DNAH9: variants seen among roughly 807,000 people sequenced by gnomAD.
DNAH9 encodes the protein DNAH9 variant protein.
A neutral mutation model predicts 471.6 loss-of-function variants in DNAH9; 345 were observed. That is an observed-to-expected ratio of 0.73 (90% confidence interval 0.67 to 0.80). The LOEUF (loss-of-function observed/expected upper bound fraction) is 0.80. Among genes scored for constraint, DNAH9 ranks in the 30% least tolerant of loss-of-function variants. The pLI, the probability that DNAH9 is intolerant of heterozygous loss-of-function variation, is 0.00. For synonymous variants in DNAH9, 2,093 were observed against 2,123.6 expected (o/e 0.99, Z 0.40); for missense variants, 5,407 against 5,609.2 (o/e 0.96, Z 1.15).
At chr17:11,779,596 G>A (rs146978728) in intron 38 of DNAH9, among the ~76,000 whole-genome samples, 17 of 152,266 alleles carry the variant, frequency 1.1e-4, no homozygotes, top group Non-Finnish European at 2.2e-4. Context: ...AAATTACAGG[G>A]TCTGCTTAAT....
At chr17:11,688,707 T>C (rs2074282071) in intron 19 of DNAH9, among the ~76,000 whole-genome samples, 1 of 152,116 alleles carries the variant, frequency 6.6e-6, no homozygotes. Context: ...TTTCAGAAGA[T>C]CATGACATGC....
intron 22 of DNAH9, among the ~76,000 whole-genome samples, chr17:11,698,227 A>AATTATATTAAT (rs1463506278): frequency 1.9e-5 from 2 of 106,934 alleles, no homozygotes; most frequent in African/African-American, 7.9e-5. Flanking sequence ...ATATTAATAT[A>AATTATATTAAT]ATAGCAATAT....
At chr17:11,780,966 G>A in intron 38 of DNAH9, 43 bp from the exon 39 acceptor site, 3 of 1,592,950 alleles carry the variant, frequency 1.9e-6, no homozygotes, top group Non-Finnish European at 2.6e-6. Context: ...ACTGGCATCT[G>A]AGATTTGAGC....
chr17:11,600,166 A>G (rs1186720649), intron 1 of DNAH9, among the ~76,000 whole-genome samples: 1 of 152,214 alleles, frequency 6.6e-6, no homozygotes, highest in East Asian at 1.9e-4. Context: ...TGGTCTTGCA[A>G]CTGTGCATTG....
intron 29 of DNAH9, among the ~76,000 whole-genome samples, chr17:11,741,639 C>T (rs1264644923): frequency 6.6e-6 from 1 of 152,002 alleles, no homozygotes; most frequent in Non-Finnish European, 1.5e-5. Flanking sequence ...TTAATACATA[C>T]TTTAGGCCTC....
chr17:11,720,364 T>C lies in DNAH9; in HGVS notation c.5709+874T>C, dbSNP rs187516814. Reference sequence around the variant, plus strand: ...GCTGCACCCATTAACTCATCATTTATATTAGTTGTATCTCCTAATGCTATC... The same window carrying C: ...GCTGCACCCATTAACTCATCATTTACATTAGTTGTATCTCCTAATGCTATC... On this transcript the variant is annotated intron_variant, in intron 27 of 68. Coordinates refer to ENST00000262442, the MANE Select transcript of DNAH9 (RefSeq NM_001372.4). 3.7e-3 allele frequency among the ~76,000 whole-genome samples: 565 copies of C among 152,288 alleles called. 3 individuals are homozygous for C. The highest frequency in any genetic ancestry group is 5.6e-3 in the Non-Finnish European group (382 of 68,026).
intron 1 of DNAH9, among the ~76,000 whole-genome samples, chr17:11,604,302 G>T (rs1253329595): frequency 6.6e-6 from 1 of 152,078 alleles, no homozygotes; most frequent in Non-Finnish European, 1.5e-5. Flanking sequence ...GATTACAGGT[G>T]TGAGCCGCCG....
chr17:11,943,015 CCTCCCGAGTAGCTGGGA>C (rs1974989595), intron 67 of DNAH9, among the ~76,000 whole-genome samples: 1 of 151,432 alleles, frequency 6.6e-6, no homozygotes, highest in Non-Finnish European at 1.5e-5. Flanking sequence ...CCTGCCTCAG[CCTCCCGAGTAGCTGGGA>C]CTACAGGTGC....
chr17:11,762,237 G>A (rs1324529194), intron 35 of DNAH9, among the ~76,000 whole-genome samples: 6 of 152,164 alleles, frequency 3.9e-5, no homozygotes, highest in Non-Finnish European at 8.8e-5. Context: ...TTCAGTGCTG[G>A]GAAATGACTG....
intron 56 of DNAH9, among the ~76,000 whole-genome samples, chr17:11,886,311 G>A (rs559192310): frequency 6.6e-6 from 1 of 152,088 alleles, no homozygotes; most frequent in Non-Finnish European, 1.5e-5. Context: ...GGACAAGAGC[G>A]AGACTTTGTC....
chr17:11,699,600 T>G (rs1039525158), intron 22 of DNAH9, 131 bp from the exon 23 acceptor site: 11 of 757,712 alleles, frequency 1.5e-5, no homozygotes, highest in Non-Finnish European at 2.2e-5. Flanking sequence ...TCCCACAAAC[T>G]TCCTTCTAAA....
intron 28 of DNAH9, among the ~76,000 whole-genome samples, chr17:11,737,562 C>G (rs2075367792): frequency 6.6e-6 from 1 of 152,104 alleles, no homozygotes; most frequent in African/African-American, 2.4e-5. Context: ...AAAGTGTGTC[C>G]CTTTCATCTT....
intron 8 of DNAH9, among the ~76,000 whole-genome samples, chr17:11,635,382 T>C (rs958534884): frequency 6.8e-5 from 10 of 147,176 alleles, no homozygotes; most frequent in Admixed American, 1.4e-4. Context: ...GGTTTTGCCA[T>C]GTTGGCCAGG....
intron 12 of DNAH9, among the ~76,000 whole-genome samples, chr17:11,648,224 C>T (rs2073432333): frequency 6.6e-6 from 1 of 152,290 alleles, no homozygotes; most frequent in South Asian, 2.1e-4. Flanking sequence ...GAAAACCAAG[C>T]TGATAGCATA....
Position 11,969,640 on chromosome 17 carries a change from T to A in DNAH9, c.*113T>A. 1.1e-6 allele frequency: 1 copy of A among 880,254 alleles called. No individual in the cohort carries two copies. The highest frequency in any genetic ancestry group is 1.7e-6 in the Non-Finnish European group (1 of 591,432). 54.5% of individuals were successfully genotyped at this position (880,254 alleles called of 1,614,324 possible). ...TAGAACGGTAAGAAACCATGAGCAC[T>A]CACAATTCTGTAGAATTCCTCTAGG... is the stretch of plus-strand genomic sequence containing the variant. On this transcript the variant is annotated 3_prime_UTR_variant, in exon 69 of 69. Coordinates refer to ENST00000262442, the MANE Select transcript of DNAH9 (RefSeq NM_001372.4).
At chr17:11,741,858 A>G (rs143719721) in intron 29 of DNAH9, among the ~76,000 whole-genome samples, 5 of 152,180 alleles carry the variant, frequency 3.3e-5, no homozygotes, top group Non-Finnish European at 5.9e-5. Flanking sequence ...AGACACACTG[A>G]ACTCAAGTCA....
At chr17:11,644,203 G>A (rs373499867) in intron 10 of DNAH9, among the ~76,000 whole-genome samples, 5 of 152,338 alleles carry the variant, frequency 3.3e-5, no homozygotes, top group East Asian at 3.9e-4. Flanking sequence ...AGTCACATAC[G>A]TGTATATATG....
intron 45 of DNAH9, among the ~76,000 whole-genome samples, chr17:11,815,035 G>C (rs1970048111): frequency 1.3e-5 from 2 of 152,104 alleles, no homozygotes; most frequent in South Asian, 4.1e-4. Flanking sequence ...ATACTTAGTG[G>C]ACTCATTAGA....
intron 14 of DNAH9, among the ~76,000 whole-genome samples, chr17:11,654,764 T>C (rs1488276636): frequency 1.3e-5 from 2 of 152,152 alleles, no homozygotes; most frequent in East Asian, 3.9e-4. Flanking sequence ...TTTCATGTAA[T>C]TCTCATGAAA....
Sources: allele counts gnomAD v4.1 joint callset (sites outside exome capture counted in the v4.1 genomes callset), GRCh38; gene constraint gnomAD v4.1.1; transcripts MANE v1.5; gene names NCBI Gene and HGNC (gene_info 2026-07-23, HGNC 2026-07-21).